The following CTNNA3 variants were observed in gnomAD, a reference collection of about 807,000 sequenced individuals.
CTNNA3 encodes catenin alpha 3, also known as catenin alpha-3.
Under a neutral mutation model 95.7 loss-of-function variants are expected in CTNNA3, and 76 were observed. The ratio of observed to expected loss-of-function variants is 0.79; its 90% CI spans 0.66 to 0.96. The LOEUF (loss-of-function observed/expected upper bound fraction) is 0.96. CTNNA3 is among the 40% of genes least tolerant of loss of function. The probability of loss-of-function intolerance (pLI) is 0.00; values close to 1 mark genes in which losing one functional copy is unlikely to be tolerated. For missense variants in CTNNA3, 1,191 were observed against 1,089.8 expected, an observed-to-expected ratio of 1.09 and a Z score of -1.31; for synonymous variants, 431 against 374.4, an observed-to-expected ratio of 1.15 and a Z score of -1.74.
chr10:66,198,889 C>T (rs1419703242), intron 13 of CTNNA3, among the ~76,000 whole-genome samples: 1 of 152,040 alleles, frequency 6.6e-6, no homozygotes, highest in Admixed American at 6.6e-5. Flanking sequence ...CTTATTCTTC[C>T]TTTTGAAGGT....
chr10:66,645,188 A>C (rs527655055), intron 9 of CTNNA3, among the ~76,000 whole-genome samples: 2 of 152,082 alleles, frequency 1.3e-5, no homozygotes, highest in Non-Finnish European at 2.9e-5. Context: ...TGGTTTTCAC[A>C]AAGTTAGCAT....
chr10:67,368,149 C>T (rs1241061446), intron 5 of CTNNA3, among the ~76,000 whole-genome samples: 1 of 151,978 alleles, frequency 6.6e-6, no homozygotes, highest in Non-Finnish European at 1.5e-5. Flanking sequence ...GGACTTATAC[C>T]TAGAATATTT....
intron 7 of CTNNA3, among the ~76,000 whole-genome samples, chr10:67,041,642 A>G (rs1854401797): frequency 6.6e-6 from 1 of 152,066 alleles, no homozygotes; most frequent in African/African-American, 2.4e-5. Context: ...GCTACCTCAT[A>G]CCTCTAAAGC....
intron 1 of CTNNA3, among the ~76,000 whole-genome samples, chr10:67,706,508 C>T (rs2133607884): frequency 6.6e-6 from 1 of 152,172 alleles, no homozygotes; most frequent in South Asian, 2.1e-4. Context: ...AGGCCAACTA[C>T]TTCCTCTCCT....
At chr10:66,812,153 T>C (rs1841905967) in intron 7 of CTNNA3, among the ~76,000 whole-genome samples, 1 of 152,072 alleles carries the variant, frequency 6.6e-6, no homozygotes, top group Non-Finnish European at 1.5e-5. Flanking sequence ...GTAGTTTAAG[T>C]GGAGAAATGA....
intron 5 of CTNNA3, among the ~76,000 whole-genome samples, chr10:67,273,474 T>C (rs1012159238): frequency 6.6e-6 from 1 of 152,130 alleles, no homozygotes; most frequent in Non-Finnish European, 1.5e-5. Flanking sequence ...TATACATTAG[T>C]CAGTCAGAGG....
intron 9 of CTNNA3, among the ~76,000 whole-genome samples, chr10:66,635,702 C>T (rs1445402795): frequency 6.6e-6 from 1 of 152,044 alleles, no homozygotes; most frequent in Non-Finnish European, 1.5e-5. Flanking sequence ...TCACCTGATT[C>T]CCTAACTAAT....
chr10:66,515,265 A>ATATCTATCTATC (rs10606169), intron 11 of CTNNA3, among the ~76,000 whole-genome samples: 16,275 of 145,820 alleles, frequency 0.11, 1,021 homozygotes, highest in African/African-American at 0.13. Context: ...CTTATTCCCT[A>ATATCTATCTATC]TATCTATCTA....
chr10:67,334,288 C>A (rs77591901), intron 5 of CTNNA3: 4,007 of 153,116 alleles, frequency 0.026, 167 homozygotes, highest in African/African-American at 0.088. Context: ...TCAAAGGGCC[C>A]CACTGCATCT....
intron 14 of CTNNA3, among the ~76,000 whole-genome samples, chr10:66,071,271 T>A (rs2080428378): frequency 6.7e-6 from 1 of 148,304 alleles, no homozygotes; most frequent in Non-Finnish European, 1.5e-5. Context: ...TCTGCTTACA[T>A]CTATAGAGCA....
intron 7 of CTNNA3, among the ~76,000 whole-genome samples, chr10:66,981,337 G>C (rs1372502999): frequency 6.6e-6 from 1 of 152,062 alleles, no homozygotes; most frequent in African/African-American, 2.4e-5. Context: ...GTTCTGATTA[G>C]ACCTCCTGCT....
At chr10:67,420,796 C>T (rs1034673859) in intron 5 of CTNNA3, among the ~76,000 whole-genome samples, 2 of 151,848 alleles carry the variant, frequency 1.3e-5, no homozygotes, top group Non-Finnish European at 2.9e-5. Context: ...TATTGTTATA[C>T]GATATTAAAC....
At chr10:67,154,207 T>G (rs568807751) in intron 7 of CTNNA3, among the ~76,000 whole-genome samples, 95 of 152,340 alleles carry the variant, frequency 6.2e-4, no homozygotes, top group African/African-American at 2.2e-3. Flanking sequence ...AATGTTAGCA[T>G]GTAATTTCAA....
intron 12 of CTNNA3, among the ~76,000 whole-genome samples, chr10:66,376,623 C>T (rs779413215): frequency 1.8e-4 from 28 of 152,180 alleles, no homozygotes; most frequent in Non-Finnish European, 3.1e-4. Flanking sequence ...TATGACAATA[C>T]TTTAAGGCAA....
intron 5 of CTNNA3, among the ~76,000 whole-genome samples, chr10:67,409,952 T>C (rs189930389): frequency 2.0e-5 from 3 of 152,198 alleles, no homozygotes; most frequent in African/African-American, 7.2e-5. Flanking sequence ...AGTGTGGCAA[T>C]TCCTCAAAGA....
At chr10:66,265,246 C>T (rs2091119017) in intron 13 of CTNNA3, among the ~76,000 whole-genome samples, 2 of 151,988 alleles carry the variant, frequency 1.3e-5, no homozygotes, top group African/African-American at 4.8e-5. Flanking sequence ...AGTCAGGAGA[C>T]CTGAATTCTA....
chr10:67,359,325 A>T (rs889008240), intron 5 of CTNNA3, among the ~76,000 whole-genome samples: 1 of 152,094 alleles, frequency 6.6e-6, no homozygotes, highest in Non-Finnish European at 1.5e-5. Flanking sequence ...TAATTAAAAA[A>T]GTCAGAGTGT....
intron 9 of CTNNA3, among the ~76,000 whole-genome samples, chr10:66,720,344 C>G (rs530035594): frequency 2.0e-5 from 3 of 151,320 alleles, no homozygotes; most frequent in African/African-American, 7.2e-5. Flanking sequence ...TTATAAACAG[C>G]TGGAGAGCAA....
At chr10:65,965,658 G>C (rs1026862612) in intron 17 of CTNNA3, among the ~76,000 whole-genome samples, 5 of 151,930 alleles carry the variant, frequency 3.3e-5, no homozygotes, top group African/African-American at 1.2e-4. Context: ...GGACACCAAA[G>C]CGCTGGGATT....
Sources: allele counts gnomAD v4.1 joint callset (sites outside exome capture counted in the v4.1 genomes callset), GRCh38; gene constraint gnomAD v4.1.1; transcripts MANE v1.5; gene names NCBI Gene and HGNC (gene_info 2026-07-23, HGNC 2026-07-21).